Variants in PALLD observed in about 807,000 individuals in gnomAD.
The protein encoded by PALLD is palladin, cytoskeletal associated protein.
PALLD carries 61 observed loss-of-function variants against 123.5 expected under a neutral mutation model. The observed-to-expected ratio is 0.49, with a 90% CI of 0.40 to 0.61. PALLD has a LOEUF of 0.61. PALLD is among the 20% of genes least tolerant of loss of function. The probability of loss-of-function intolerance (pLI) is 0.00; values close to 1 mark genes in which losing one functional copy is unlikely to be tolerated. For synonymous variants in PALLD, 465 were observed against 496.4 expected (o/e 0.94, Z 0.84); for missense variants, 1,273 against 1,377.0 (o/e 0.92, Z 1.20).
At chr4:168,851,012 G>A (rs1022812797) in intron 10 of PALLD, among the ~76,000 whole-genome samples, 2 of 152,164 alleles carry the variant, frequency 1.3e-5, no homozygotes, top group African/African-American at 4.8e-5. Context: ...AAGTGTGACT[G>A]AGAGGCCAGA....
chr4:168,886,147 GTTTT>G (rs1170018738), intron 10 of PALLD, among the ~76,000 whole-genome samples: 2 of 151,982 alleles, frequency 1.3e-5, no homozygotes, highest in Admixed American at 6.6e-5. Context: ...GAAGCTTTTG[GTTTT>G]TTTAATATAT....
chr4:168,870,244 C>G (rs1223854984), intron 10 of PALLD, among the ~76,000 whole-genome samples: 3 of 152,210 alleles, frequency 2.0e-5, no homozygotes, highest in Admixed American at 2.0e-4. Flanking sequence ...AGAACCACAT[C>G]CAACTCTAGC....
At chr4:168,561,224 T>C (rs557498019) in intron 2 of PALLD, among the ~76,000 whole-genome samples, 2 of 152,094 alleles carry the variant, frequency 1.3e-5, no homozygotes, top group South Asian at 4.2e-4. Context: ...ATACACTACC[T>C]AATAAGGGCT....
rs1287268285 is a variant in PALLD at position 168,698,165 on chromosome 4, A to C, written c.1501+6873A>C. 1.1e-4 allele frequency among the ~76,000 whole-genome samples: 17 copies of C among 152,332 alleles called. No individual in the cohort carries two copies. In the South Asian group the frequency reaches 2.7e-3, roughly 24 times the overall value. On this transcript the variant is annotated intron_variant, in intron 8 of 21. Transcript: ENST00000505667. ...TCTTACTTATTTGTGTGATCTAAAA[A>C]TCGAAACAGTAGAAGGATGGCTACC...
At chr4:168,793,946 T>C (rs1265165892) in intron 10 of PALLD, among the ~76,000 whole-genome samples, 1 of 152,178 alleles carries the variant, frequency 6.6e-6, no homozygotes, top group East Asian at 1.9e-4. Flanking sequence ...ACCCTCACAC[T>C]ATTCCAGGAA....
At chr4:168,637,141 C>G (rs902758173) in intron 2 of PALLD, among the ~76,000 whole-genome samples, 1 of 152,096 alleles carries the variant, frequency 6.6e-6, no homozygotes, top group African/African-American at 2.4e-5. Flanking sequence ...ACGGCAGAAT[C>G]CTGCTCATTC....
At chr4:168,782,758 T>TA (rs1218483366) in intron 10 of PALLD, among the ~76,000 whole-genome samples, 1 of 149,300 alleles carries the variant, frequency 6.7e-6, no homozygotes, top group African/African-American at 2.5e-5. Context: ...AAAAAAAAAA[T>TA]AAAAAAATTA....
intron 2 of PALLD, among the ~76,000 whole-genome samples, chr4:168,637,809 T>TG (rs544805218): frequency 5.9e-4 from 90 of 152,192 alleles, no homozygotes; most frequent in South Asian, 5.2e-3. Flanking sequence ...TTGGGCATGG[T>TG]GGTGAGTACC....
chr4:168,683,147 C>A, intron 5 of PALLD, 44 bp downstream of exon 5: 1 of 1,076,974 alleles, frequency 9.3e-7, no homozygotes, highest in Non-Finnish European at 1.4e-6. Flanking sequence ...TCGAACTCAT[C>A]AGCAAACTTG....
chr4:168,841,826 A>G (rs1209531323), intron 10 of PALLD, among the ~76,000 whole-genome samples: 1 of 152,190 alleles, frequency 6.6e-6, no homozygotes, highest in Non-Finnish European at 1.5e-5. Flanking sequence ...TTTAGCTCCC[A>G]TTGTTTCCTG....
At chr4:168,550,979 G>A (rs1174613380) in intron 2 of PALLD, among the ~76,000 whole-genome samples, 1 of 152,172 alleles carries the variant, frequency 6.6e-6, no homozygotes. Flanking sequence ...TACAAAGTTT[G>A]CAGTTGCTTC....
chr4:168,500,231 C>A (rs769592681), intron 1 of PALLD, among the ~76,000 whole-genome samples: 12 of 152,198 alleles, frequency 7.9e-5, no homozygotes, highest in Non-Finnish European at 1.3e-4. Flanking sequence ...TTTCTACTTA[C>A]TAGACTCTGC....
chr4:168,773,207 C>G (rs1446527994), intron 10 of PALLD, among the ~76,000 whole-genome samples: 1 of 152,122 alleles, frequency 6.6e-6, no homozygotes, highest in Admixed American at 6.5e-5. Context: ...AAATTGTTGT[C>G]TTAAAGTGAA....
chr4:168,701,498 C>T (rs1044226177), intron 8 of PALLD, among the ~76,000 whole-genome samples: 6 of 152,142 alleles, frequency 3.9e-5, no homozygotes, highest in African/African-American at 1.4e-4. Flanking sequence ...TGAAAAATGG[C>T]ATGACTAAAA....
intron 10 of PALLD, among the ~76,000 whole-genome samples, chr4:168,750,294 T>C (rs1247628405): frequency 1.3e-5 from 2 of 152,198 alleles, no homozygotes; most frequent in Non-Finnish European, 2.9e-5. Context: ...TTTCTGTGCC[T>C]GTATTAATTT....
At chr4:168,686,748 T>C (rs1345798205) in intron 6 of PALLD, 1 of 152,216 alleles carries the variant, frequency 6.6e-6, no homozygotes, top group Non-Finnish European at 1.5e-5. Flanking sequence ...TTGTTTGATA[T>C]GGAATTTAGC....
intron 2 of PALLD, among the ~76,000 whole-genome samples, chr4:168,647,228 C>A (rs1046276271): frequency 3.9e-5 from 6 of 152,098 alleles, no homozygotes; most frequent in Non-Finnish European, 8.8e-5. Flanking sequence ...AGAATATTTT[C>A]TCTGGCATTT....
intron 10 of PALLD, among the ~76,000 whole-genome samples, chr4:168,799,552 C>T (rs1739011971): frequency 6.6e-6 from 1 of 152,166 alleles, no homozygotes; most frequent in Non-Finnish European, 1.5e-5. Context: ...GAATTCAAGT[C>T]CCATAGCTTA....
intron 2 of PALLD, among the ~76,000 whole-genome samples, chr4:168,638,210 C>T (rs542679026): frequency 6.6e-6 from 1 of 152,224 alleles, no homozygotes; most frequent in Admixed American, 6.5e-5. Flanking sequence ...AGATATATTA[C>T]CCCTATTTTA....
Sources: gnomAD v4.1 joint callset for allele counts (sites outside exome capture counted in the v4.1 genomes callset) on GRCh38, gnomAD v4.1.1 for gene constraint, MANE v1.5 for transcripts, NCBI Gene and HGNC (gene_info 2026-07-23, HGNC 2026-07-21) for gene names.